Variants in ALK observed in about 807,000 individuals in gnomAD.
ALK encodes the protein ALK tyrosine kinase receptor.
ALK carries 74 observed loss-of-function variants against 163.1 expected under a neutral mutation model. The ratio of observed to expected loss-of-function variants is 0.45; its 90% CI spans 0.38 to 0.55. ALK has a LOEUF of 0.55. Among genes scored for constraint, ALK ranks in the 20% least tolerant of loss-of-function variants. ALK has a pLI of 0.00. For missense variants in ALK, 2,063 were observed against 2,105.3 expected, an observed-to-expected ratio of 0.98 and a Z score of 0.39; for synonymous variants, 960 against 843.2, an observed-to-expected ratio of 1.14 and a Z score of -2.40.
chr2:29,881,231 G>C (rs1005439852), intron 1 of ALK, among the ~76,000 whole-genome samples: 17 of 152,198 alleles, frequency 1.1e-4, no homozygotes, highest in African/African-American at 4.1e-4. Flanking sequence ...GCCTTGCAAA[G>C]TTCCAGGGCC....
chr2:29,626,904 G>A (rs1157570039), intron 3 of ALK, among the ~76,000 whole-genome samples: 2 of 152,182 alleles, frequency 1.3e-5, no homozygotes, highest in Non-Finnish European at 2.9e-5. Context: ...GGGCTCCAGA[G>A]GCCTGCAGTG....
At chr2:29,252,136 TG>T (rs1460496602) in intron 11 of ALK, among the ~76,000 whole-genome samples, 6 of 152,024 alleles carry the variant, frequency 3.9e-5, no homozygotes, top group Non-Finnish European at 7.4e-5. Flanking sequence ...GGTGGCTTTC[TG>T]GGGGCAACAC....
chr2:29,666,119 A>G (rs931901023), intron 3 of ALK, among the ~76,000 whole-genome samples: 3 of 152,120 alleles, frequency 2.0e-5, no homozygotes, highest in Admixed American at 1.3e-4. Context: ...TGAAATCAAG[A>G]TGTATTACAT....
intron 9 of ALK, among the ~76,000 whole-genome samples, chr2:29,281,011 G>A (rs1665704254): frequency 6.6e-6 from 1 of 151,984 alleles, no homozygotes; most frequent in Non-Finnish European, 1.5e-5. Flanking sequence ...ATCCATTCTG[G>A]GATTGAAGAA....
At chr2:29,197,139 C>T (rs145976429) in intron 27 of ALK, among the ~76,000 whole-genome samples, 1 of 152,160 alleles carries the variant, frequency 6.6e-6, no homozygotes, top group Non-Finnish European at 1.5e-5. Context: ...ATTATATTTC[C>T]CATCCACGTT....
intron 26 of ALK, among the ~76,000 whole-genome samples, chr2:29,199,914 A>C (rs1003717672): frequency 6.6e-6 from 1 of 152,220 alleles, no homozygotes; most frequent in Non-Finnish European, 1.5e-5. Context: ...TCTTCTAAGA[A>C]ACATGGGGTG....
At chr2:29,622,133 G>T (rs571304802) in intron 3 of ALK, among the ~76,000 whole-genome samples, 1 of 152,198 alleles carries the variant, frequency 6.6e-6, no homozygotes, top group Non-Finnish European at 1.5e-5. Flanking sequence ...CTGTGAGCCA[G>T]TTGGTAAATC....
At chr2:29,641,741 G>C (rs963425648) in intron 3 of ALK, among the ~76,000 whole-genome samples, 9 of 152,096 alleles carry the variant, frequency 5.9e-5, no homozygotes, top group Non-Finnish European at 1.2e-4. Context: ...AAATTATATA[G>C]ATGATCTAGT....
At chr2:29,708,352 A>G (rs1234691365) in intron 2 of ALK, among the ~76,000 whole-genome samples, 1 of 152,204 alleles carries the variant, frequency 6.6e-6, no homozygotes, top group African/African-American at 2.4e-5. Context: ...TACAGGCATT[A>G]ATCACCGTGC....
rs2148175928 is a variant in ALK, at chr2:29,225,322, G to A, written c.3172+139C>T. On this transcript the variant is annotated intron_variant, in intron 19 of 28. Coordinates refer to ENST00000389048, the MANE Select transcript of ALK (RefSeq NM_004304.5). ...GAGCTTCCGTTTTGGCTTGGCCTGG[G>A]CTGCCCTAATCACCACCCCACCCAA... 1.3e-5 allele frequency: 10 copies of A among 797,934 alleles called. 1 individual carries two copies. In the South Asian group the frequency reaches 1.6e-4, roughly 13 times the overall value. The allele number at this position is 797,934 out of a possible 1,614,324, so 49.4% of individuals were successfully genotyped here.
intron 5 of ALK, among the ~76,000 whole-genome samples, chr2:29,345,319 C>A (rs1410795544): frequency 6.6e-6 from 1 of 151,830 alleles, no homozygotes; most frequent in African/African-American, 2.4e-5. Context: ...TCACCTGAGC[C>A]TGGGAGTTCT....
rs865887581 is a variant in ALK, at chr2:29,197,576, G to A, written c.4039C>T (p.Arg1347Trp). 11 of 1,613,704 alleles carry A rather than the reference G, an allele frequency of 6.8e-6. No individual in the cohort carries two copies. Among genetic ancestry groups the A allele is most frequent in the Non-Finnish European group, 6.8e-6 (8 of 1,180,014 alleles). ...GGGCAGTTCTTGGGTGGGTCCATCC[G>A]GCCTCCACTGGTGACAAACTCCAGA... ...EVLEFVTSGG[R>W]MDPPKNCPGP... The change falls in exon 27 of 29, where the codon CGG becomes TGG. Residue 1347 changes from arginine to tryptophan, a missense_variant. Arg to Trp is a moderately radical substitution (Grantham distance 101). Coordinates refer to ENST00000389048, the MANE Select transcript of ALK (RefSeq NM_004304.5).
At chr2:29,417,313 T>C (rs566245264) in intron 4 of ALK, among the ~76,000 whole-genome samples, 4 of 152,314 alleles carry the variant, frequency 2.6e-5, no homozygotes, top group African/African-American at 4.8e-5. Context: ...TCAATAAATG[T>C]GAGTATCCTT....
At chr2:29,750,418 C>A (rs1030441013) in intron 1 of ALK, among the ~76,000 whole-genome samples, 25 of 152,050 alleles carry the variant, frequency 1.6e-4, no homozygotes, top group African/African-American at 5.1e-4. Flanking sequence ...ATTCAAGAAC[C>A]TTTGGAGGCC....
intron 2 of ALK, among the ~76,000 whole-genome samples, chr2:29,710,370 C>T (rs1679040549): frequency 6.6e-6 from 1 of 152,116 alleles, no homozygotes; most frequent in African/African-American, 2.4e-5. Context: ...CCTGGTTCTC[C>T]TCCTGTCTCC....
At chr2:29,210,087 G>T (rs1669423618) in intron 24 of ALK, among the ~76,000 whole-genome samples, 1 of 152,134 alleles carries the variant, frequency 6.6e-6, no homozygotes, top group Non-Finnish European at 1.5e-5. Context: ...AGGATTAGGG[G>T]AAATGATTAA....
intron 5 of ALK, among the ~76,000 whole-genome samples, chr2:29,380,250 C>T (rs559550317): frequency 4.6e-5 from 7 of 151,906 alleles, no homozygotes; most frequent in Admixed American, 1.3e-4. Flanking sequence ...GGACTACAGC[C>T]GCCCACAACC....
At chr2:29,255,744 T>C (rs1664934466) in intron 11 of ALK, among the ~76,000 whole-genome samples, 1 of 152,184 alleles carries the variant, frequency 6.6e-6, no homozygotes, top group Non-Finnish European at 1.5e-5. Context: ...CCTTACTTAA[T>C]ACCAGAGTCT....
At chr2:29,882,309 A>G (rs1016157008) in intron 1 of ALK, among the ~76,000 whole-genome samples, 8 of 152,250 alleles carry the variant, frequency 5.3e-5, no homozygotes, top group Non-Finnish European at 1.0e-4. Context: ...TTTTCTAAAA[A>G]ATGGAAATAA....
Sources: gnomAD v4.1 joint callset for allele counts (sites outside exome capture counted in the v4.1 genomes callset) on GRCh38, gnomAD v4.1.1 for gene constraint, MANE v1.5 for transcripts, NCBI Gene and HGNC (gene_info 2026-07-23, HGNC 2026-07-21) for gene names.